Variants in MICU3 observed in about 807,000 individuals in gnomAD.
MICU3 encodes mitochondrial calcium uptake 3, also known as calcium uptake protein 3, mitochondrial.
A neutral mutation model predicts 66.5 loss-of-function variants in MICU3; 62 were observed. The ratio of observed to expected loss-of-function variants is 0.93; its 90% CI spans 0.76 to 1.15. The LOEUF is 1.15. Ranked by LOEUF, MICU3 falls within the 50% of genes most tolerant of loss-of-function variation. The pLI is 0.00. For synonymous variants in MICU3, 308 were observed against 240.7 expected, an observed-to-expected ratio of 1.28 and a Z score of -2.59; for missense variants, 779 against 664.4, an observed-to-expected ratio of 1.17 and a Z score of -1.90.
At chr8:17,036,669 G>T (rs1180933056) in intron 1 of MICU3, among the ~76,000 whole-genome samples, 1 of 152,206 alleles carries the variant, frequency 6.6e-6, no homozygotes, top group Non-Finnish European at 1.5e-5. Context: ...TAGACACAGG[G>T]TGCTGATTGG....
chr8:17,079,581 C>A (rs1351024225), intron 4 of MICU3, among the ~76,000 whole-genome samples: 1 of 151,796 alleles, frequency 6.6e-6, no homozygotes, highest in Admixed American at 6.6e-5. Context: ...CTCATTTTGT[C>A]ACCCAGGCGG....
intron 1 of MICU3, among the ~76,000 whole-genome samples, chr8:17,057,474 T>G (rs986715169): frequency 6.6e-6 from 1 of 152,216 alleles, no homozygotes; most frequent in African/African-American, 2.4e-5. Context: ...CAAACAGTAT[T>G]AATTATATTT....
intron 7 of MICU3, among the ~76,000 whole-genome samples, chr8:17,089,733 T>C (rs1340965509): frequency 6.6e-6 from 1 of 152,016 alleles, no homozygotes; most frequent in Non-Finnish European, 1.5e-5. Flanking sequence ...TTAGGAGTAA[T>C]GACCACATGT....
intron 1 of MICU3, among the ~76,000 whole-genome samples, chr8:17,032,895 T>C (rs925379241): frequency 6.6e-6 from 1 of 152,246 alleles, no homozygotes; most frequent in East Asian, 1.9e-4. Context: ...TATTATTTTA[T>C]CTGTTATGGT....
chr8:17,057,924 T>A (rs1817201057), intron 1 of MICU3, among the ~76,000 whole-genome samples: 1 of 152,132 alleles, frequency 6.6e-6, no homozygotes, highest in South Asian at 2.1e-4. Context: ...CTCAGATCAC[T>A]GCAGCCTCTA....
intron 5 of MICU3, among the ~76,000 whole-genome samples, chr8:17,084,054 A>G (rs966079610): frequency 6.6e-6 from 1 of 152,078 alleles, no homozygotes; most frequent in Non-Finnish European, 1.5e-5. Context: ...AGAAGCTTCT[A>G]AGGAGGTTGA....
At chr8:17,068,276 A>G (rs978492201) in intron 2 of MICU3, among the ~76,000 whole-genome samples, 1 of 152,152 alleles carries the variant, frequency 6.6e-6, no homozygotes, top group African/African-American at 2.4e-5. Context: ...AGATAATAGT[A>G]TTGAACATGG....
At chr8:17,116,770 G>C (rs899523416) in intron 13 of MICU3, among the ~76,000 whole-genome samples, 170 bp downstream of exon 13, 2 of 152,052 alleles carry the variant, frequency 1.3e-5, no homozygotes, top group African/African-American at 4.8e-5. Context: ...AATTTGAGGT[G>C]ATAAAAGAGA....
chr8:17,028,860 A>G (rs927403805), intron 1 of MICU3, among the ~76,000 whole-genome samples: 3 of 152,220 alleles, frequency 2.0e-5, no homozygotes, highest in Non-Finnish European at 4.4e-5. Context: ...TGATGGCAGA[A>G]CTTTTAATTA....
intron 1 of MICU3, among the ~76,000 whole-genome samples, chr8:17,033,721 C>T (rs762472226): frequency 6.6e-6 from 1 of 152,102 alleles, no homozygotes; most frequent in Non-Finnish European, 1.5e-5. Context: ...ACAGTGTGAG[C>T]CACCGTGCCT....
In MICU3 at chr8:17,059,327, A is replaced by T. The variant is rs1233393852; in HGVS notation, c.382-4757A>T. 2.6e-5 allele frequency among the ~76,000 whole-genome samples: 4 copies of T among 152,346 alleles called. No individual in the cohort carries two copies. In the East Asian group the frequency reaches 7.7e-4, roughly 29 times the overall value. On this transcript the variant is annotated intron_variant, in intron 1 of 14. Transcript: ENST00000318063. ...TCTAACTCTAAACTCATTTTCAGAG[A>T]ACAAAGTAGACCAGGTGAATACCAA... is the stretch of plus-strand genomic sequence containing the variant.
downstream of MICU3, among the ~76,000 whole-genome samples, chr8:17,126,172 A>G (rs1253239978): frequency 2.0e-5 from 3 of 152,102 alleles, no homozygotes; most frequent in African/African-American, 7.2e-5. Flanking sequence ...AACAGTTTCA[A>G]TCATTCCTTC....
chr8:17,038,719 C>T (rs1001962099), intron 1 of MICU3, among the ~76,000 whole-genome samples: 2 of 151,960 alleles, frequency 1.3e-5, no homozygotes, highest in Non-Finnish European at 2.9e-5. Flanking sequence ...TTTGGGAGGC[C>T]AAGGCAGGCA....
At chr8:17,120,069 T>C (rs1803079676) in intron 14 of MICU3, among the ~76,000 whole-genome samples, 1 of 152,196 alleles carries the variant, frequency 6.6e-6, no homozygotes, top group Non-Finnish European at 1.5e-5. Flanking sequence ...CGTAGAGCCA[T>C]ACCTGGAAGT....
At chr8:17,104,345 G>A in intron 9 of MICU3, 46 bp from the exon 10 acceptor site, 1 of 991,060 alleles carries the variant, frequency 1.0e-6, no homozygotes, top group Non-Finnish European at 1.4e-6. Flanking sequence ...TCCCTATTCT[G>A]TTTCTTTTAT....
At chr8:17,029,988 G>T (rs1213823102) in intron 1 of MICU3, among the ~76,000 whole-genome samples, 1 of 152,012 alleles carries the variant, frequency 6.6e-6, no homozygotes, top group Non-Finnish European at 1.5e-5. Context: ...GATATCCTGG[G>T]CTTTATCTTC....
intron 1 of MICU3, among the ~76,000 whole-genome samples, chr8:17,033,940 A>C (rs1003116310): frequency 6.6e-6 from 1 of 152,206 alleles, no homozygotes; most frequent in Non-Finnish European, 1.5e-5. Context: ...AGGTGGTTAC[A>C]CTGAACAACA....
At chr8:17,123,562 T>TG (rs925268348), downstream of MICU3, among the ~76,000 whole-genome samples, 1 of 152,006 alleles carries the variant, frequency 6.6e-6, no homozygotes, top group Non-Finnish European at 1.5e-5. Flanking sequence ...GTATTGAGCA[T>TG]GGGGGGCAAT....
chr8:17,029,524 G>A (rs1210597002), intron 1 of MICU3, among the ~76,000 whole-genome samples: 3 of 152,092 alleles, frequency 2.0e-5, no homozygotes, highest in African/African-American at 7.2e-5. Flanking sequence ...GTACTTTTGT[G>A]CAGTTATTAT....
Sources: gnomAD v4.1 joint callset for allele counts (sites outside exome capture counted in the v4.1 genomes callset) on GRCh38, gnomAD v4.1.1 for gene constraint, MANE v1.5 for transcripts, NCBI Gene and HGNC (gene_info 2026-07-23, HGNC 2026-07-21) for gene names.